The following TTC27 variants were observed in gnomAD, a reference collection of about 807,000 sequenced individuals.
TTC27 encodes tetratricopeptide repeat protein 27.
Under a neutral mutation model 115.9 loss-of-function variants are expected in TTC27, and 79 were observed. That is an observed-to-expected ratio of 0.68 (90% CI 0.57 to 0.82). The LOEUF (loss-of-function observed/expected upper bound fraction) is 0.82, where lower values mean the gene tolerates loss of function less well. Ranked by LOEUF, TTC27 falls within the 40% of genes least tolerant of loss-of-function variation. The pLI, the probability that TTC27 is intolerant of heterozygous loss-of-function variation, is 0.00. For missense variants in TTC27, 1,054 were observed against 993.1 expected (o/e 1.06, Z -0.82); for synonymous variants, 401 against 356.0 (o/e 1.13, Z -1.42).
At chr2:32,805,120 A>G (rs1038407471) in intron 16 of TTC27, among the ~76,000 whole-genome samples, 1 of 152,204 alleles carries the variant, frequency 6.6e-6, no homozygotes, top group Non-Finnish European at 1.5e-5. Flanking sequence ...CTCAGACTGA[A>G]TTCAGATTCA....
intron 9 of TTC27, among the ~76,000 whole-genome samples, chr2:32,680,451 G>A (rs1240787603): frequency 1.3e-5 from 2 of 152,118 alleles, no homozygotes; most frequent in Non-Finnish European, 2.9e-5. Flanking sequence ...TTTCACAGAA[G>A]TGCTGAGGAG....
intron 7 of TTC27, among the ~76,000 whole-genome samples, chr2:32,667,835 C>G (rs1018684126): frequency 6.7e-6 from 1 of 149,044 alleles, no homozygotes; most frequent in Non-Finnish European, 1.5e-5. Context: ...GGGTGGATCA[C>G]TTGAGGTCAG....
chr2:32,752,345 T>A (rs1485872502), intron 12 of TTC27, among the ~76,000 whole-genome samples: 1 of 152,228 alleles, frequency 6.6e-6, no homozygotes, highest in Non-Finnish European at 1.5e-5. Context: ...AGCCTTTTTG[T>A]TCTAAGTTAT....
At chr2:32,773,744 A>C (rs527620952) in intron 13 of TTC27, among the ~76,000 whole-genome samples, 6 of 152,316 alleles carry the variant, frequency 3.9e-5, no homozygotes, top group Middle Eastern at 6.8e-3. Context: ...ATTAAGAGCT[A>C]ATTATTTTGG....
chr2:32,771,639 G>T (rs547909528), intron 13 of TTC27, among the ~76,000 whole-genome samples: 3 of 152,310 alleles, frequency 2.0e-5, no homozygotes, highest in Middle Eastern at 3.4e-3. Flanking sequence ...GGTAGGTTAA[G>T]ATTTATATTT....
intron 10 of TTC27, among the ~76,000 whole-genome samples, chr2:32,707,622 A>G (rs1667421735): frequency 6.6e-6 from 1 of 152,224 alleles, no homozygotes; most frequent in Non-Finnish European, 1.5e-5. Flanking sequence ...AAAAAAAACT[A>G]ATGAAGTATA....
At position 32,739,109 on chromosome 2, in the gene TTC27, G is replaced by A. The variant is rs113100805; in HGVS notation, c.1452+2293G>A. On this transcript the variant is annotated intron_variant, in intron 12 of 19. Transcript: ENST00000317907. ...CGACTTAAATATCTTTTTAGTGCCC[G>A]TTGTCTGACACTAAAGTAGTACTCA... is the stretch of plus-strand genomic sequence containing the variant. Among the ~76,000 whole-genome samples the A allele has an allele frequency of 4.0e-3, 608 of 152,226 alleles. 10 individuals carry two copies. Among genetic ancestry groups the A allele is most frequent in the African/African-American group, 0.014 (570 of 41,538 alleles).
At chr2:32,738,687 T>G (rs1184960244) in intron 12 of TTC27, among the ~76,000 whole-genome samples, 1 of 152,224 alleles carries the variant, frequency 6.6e-6, no homozygotes. Context: ...CAAAAAGTTA[T>G]TGAATACAGA....
intron 16 of TTC27, among the ~76,000 whole-genome samples, chr2:32,789,921 CAAAAAAAAAAA>C (rs34859954): frequency 7.7e-5 from 2 of 25,938 alleles, no homozygotes; most frequent in South Asian, 2.1e-3. Context: ...ACCCTGTCTC[CAAAAAAAAAAA>C]AAAAAAAAAA....
intron 16 of TTC27, among the ~76,000 whole-genome samples, chr2:32,798,004 G>T (rs1670768021): frequency 6.6e-6 from 1 of 151,034 alleles, no homozygotes. Context: ...TGAACAATAA[G>T]CACATGAAAA....
chr2:32,774,252 G>T (rs1420863918), intron 13 of TTC27, among the ~76,000 whole-genome samples: 2 of 150,856 alleles, frequency 1.3e-5, no homozygotes, highest in South Asian at 2.1e-4. Flanking sequence ...CGTGATTGTG[G>T]CTCACTGCAA....
intron 13 of TTC27, among the ~76,000 whole-genome samples, chr2:32,761,452 A>T (rs1669433809): frequency 6.6e-6 from 1 of 152,078 alleles, no homozygotes; most frequent in Non-Finnish European, 1.5e-5. Context: ...TTTCAAACTC[A>T]GGTCAGTTAT....
At chr2:32,717,837 A>G (rs1255564712) in intron 10 of TTC27, among the ~76,000 whole-genome samples, 1 of 151,892 alleles carries the variant, frequency 6.6e-6, no homozygotes, top group Non-Finnish European at 1.5e-5. Context: ...TATTTTTGGA[A>G]TTCTGGATGT....
intron 9 of TTC27, among the ~76,000 whole-genome samples, chr2:32,682,635 C>T (rs1311478797): frequency 6.6e-6 from 1 of 151,238 alleles, no homozygotes; most frequent in Non-Finnish European, 1.5e-5. Context: ...AGATGTCTTC[C>T]TCTGTTGATA....
At chr2:32,746,510 C>G (rs1247864190) in intron 12 of TTC27, among the ~76,000 whole-genome samples, 1 of 119,812 alleles carries the variant, frequency 8.3e-6, no homozygotes, top group African/African-American at 3.2e-5. Flanking sequence ...TTGCAGTGAG[C>G]TGAGATTGTA....
At chr2:32,725,975 C>T (rs1298576848) in intron 10 of TTC27, among the ~76,000 whole-genome samples, 1 of 152,212 alleles carries the variant, frequency 6.6e-6, no homozygotes, top group African/African-American at 2.4e-5. Context: ...CCCTCTGAAG[C>T]CATGGTTCAA....
chr2:32,815,045 G>A (rs1043567018), intron 18 of TTC27, among the ~76,000 whole-genome samples: 14 of 151,992 alleles, frequency 9.2e-5, no homozygotes, highest in African/African-American at 3.4e-4. Context: ...CTATAACAAT[G>A]TCATCATTGT....
rs77983633 is a variant in TTC27 at position 32,634,127 on chromosome 2, A to G, written c.396+122A>G. ...ATGACTTTATGGTTTGCACAAAAGT[A>G]CTAAGAATGCTTGTTCATTGATCAG... is the stretch of plus-strand genomic sequence containing the variant. On this transcript the variant is annotated intron_variant, in intron 3 of 19. Transcript: ENST00000317907. 9 of 1,134,008 alleles carry G rather than the reference A, an allele frequency of 7.9e-6. No individual in the cohort carries two copies. In the Admixed American group the frequency reaches 1.8e-4, roughly 22 times the overall value. 70.2% of individuals were successfully genotyped at this position (1,134,008 alleles called of 1,614,324 possible).
chr2:32,733,501 G>C (rs1213149997), intron 10 of TTC27, among the ~76,000 whole-genome samples: 1 of 152,180 alleles, frequency 6.6e-6, no homozygotes, highest in Non-Finnish European at 1.5e-5. Flanking sequence ...GCATTATGTT[G>C]TGAAATAGAT....
Sources: gnomAD v4.1 joint callset for allele counts (sites outside exome capture counted in the v4.1 genomes callset) on GRCh38, gnomAD v4.1.1 for gene constraint, MANE v1.5 for transcripts, NCBI Gene and HGNC (gene_info 2026-07-23, HGNC 2026-07-21) for gene names.